KPNA3: variants seen among roughly 807,000 people sequenced by gnomAD.
The protein encoded by KPNA3 is karyopherin subunit alpha 3.
Under a neutral mutation model 73.8 loss-of-function variants are expected in KPNA3, and 13 were observed. The ratio of observed to expected loss-of-function variants is 0.18; its 90% CI spans 0.11 to 0.28. The LOEUF (loss-of-function observed/expected upper bound fraction) is 0.28, where lower values mean the gene tolerates loss of function less well. KPNA3 is among the 10% of genes least tolerant of loss of function. The pLI is 1.00. For synonymous variants in KPNA3, 186 were observed against 206.9 expected, an observed-to-expected ratio of 0.90 and a Z score of 0.87; for missense variants, 360 against 618.1, an observed-to-expected ratio of 0.58 and a Z score of 4.43.
Position 49,718,300 on chromosome 13 carries a change from G to T in KPNA3, c.771+1475C>A, listed in dbSNP as rs529169814. Among the ~76,000 whole-genome samples the T allele has an allele frequency of 3.4e-3, 510 of 152,234 alleles. 1 individual carries two copies. The highest frequency in any genetic ancestry group is 4.9e-3 in the Non-Finnish European group (334 of 67,996). ...TTAATGTTAAGGTCTTAGAAGGCAT[G>T]GTCTCTTTATGTCTTATCACTGAGT... On this transcript the variant is annotated intron_variant, in intron 10 of 16. Coordinates refer to ENST00000261667, the MANE Select transcript of KPNA3 (RefSeq NM_002267.4).
At chr13:49,711,712 C>T (rs1297175880) in intron 10 of KPNA3, among the ~76,000 whole-genome samples, 1 of 152,106 alleles carries the variant, frequency 6.6e-6, no homozygotes, top group Admixed American at 6.5e-5. Flanking sequence ...GGTGTCGTCA[C>T]AGAGGAATAT....
At chr13:49,746,315 T>TG (rs1269707836) in intron 2 of KPNA3, among the ~76,000 whole-genome samples, 1 of 150,688 alleles carries the variant, frequency 6.6e-6, no homozygotes, top group African/African-American at 2.5e-5. Flanking sequence ...CTGGGTGTGG[T>TG]GGTGTGCCTG....
intron 1 of KPNA3, among the ~76,000 whole-genome samples, chr13:49,754,873 A>G (rs1474806784): frequency 6.6e-6 from 1 of 152,132 alleles, no homozygotes; most frequent in Non-Finnish European, 1.5e-5. Context: ...TATTAAGATG[A>G]TTATATTTGT....
At chr13:49,731,316 T>C (rs1954467758) in intron 6 of KPNA3, among the ~76,000 whole-genome samples, 1 of 134,732 alleles carries the variant, frequency 7.4e-6, no homozygotes, top group African/African-American at 2.9e-5. Flanking sequence ...CTCGAACTCC[T>C]GGACTCAAGC....
chr13:49,749,345 G>A (rs1954643350), intron 1 of KPNA3, among the ~76,000 whole-genome samples: 1 of 152,194 alleles, frequency 6.6e-6, no homozygotes, highest in Non-Finnish European at 1.5e-5. Context: ...TTGATACTCT[G>A]CATAAGGAAA....
In KPNA3 at chr13:49,701,781, A is replaced by T; in HGVS notation, c.*19T>A. ...GTGCTTCATATTGAATGTGGGAAAG[A>T]TGCTGCACTCAACTGAATTTAAAAA... On this transcript the variant is annotated 3_prime_UTR_variant, in exon 17 of 17. Coordinates refer to ENST00000261667, the MANE Select transcript of KPNA3 (RefSeq NM_002267.4). The T allele has an allele frequency of 7.0e-7, 1 of 1,434,942 alleles. No homozygotes were observed. Among genetic ancestry groups the T allele is most frequent in the Non-Finnish European group, 9.8e-7 (1 of 1,016,736 alleles). The allele number at this position is 1,434,942 out of a possible 1,614,324, so 88.9% of individuals were successfully genotyped here.
intron 8 of KPNA3, 135 bp downstream of exon 8, chr13:49,722,342 T>A: frequency 2.9e-6 from 2 of 679,334 alleles, no homozygotes; most frequent in Non-Finnish European, 2.5e-6. Flanking sequence ...GAGCATCATC[T>A]TAAGTCAGTA....
At chr13:49,765,016 TC>T (rs1300924064) in intron 1 of KPNA3, among the ~76,000 whole-genome samples, 1 of 152,156 alleles carries the variant, frequency 6.6e-6, no homozygotes, top group African/African-American at 2.4e-5. Flanking sequence ...AACACCACAT[TC>T]CTGGTTTTCC....
rs1164482176 is a variant in KPNA3 at position 49,782,865 on chromosome 13, G to GA, written c.69+9572dup. 3.7e-3 allele frequency among the ~76,000 whole-genome samples: 515 copies of GA among 137,890 alleles called. 2 individuals carry two copies. The highest frequency in any genetic ancestry group is 0.011 in the African/African-American group (412 of 37,720). 90.5% of individuals were successfully genotyped at this position (137,890 alleles called of 152,430 possible). On this transcript the variant is annotated intron_variant, in intron 1 of 16. Coordinates refer to ENST00000261667, the MANE Select transcript of KPNA3 (RefSeq NM_002267.4). The stretch of plus-strand genomic sequence containing the variant: ...TGACAGAGCAAGACCCTGTCTCAAA[G>GA]AAAAAAAAAAAGCTAAATAAATGTT...
chr13:49,707,562 T>G (rs1379606186), intron 12 of KPNA3, among the ~76,000 whole-genome samples: 1 of 64,362 alleles, frequency 1.6e-5, no homozygotes, highest in Non-Finnish European at 3.4e-5. Flanking sequence ...GGCATTTCTA[T>G]GAAATTTTCC....
intron 1 of KPNA3, among the ~76,000 whole-genome samples, chr13:49,779,408 A>C (rs1177830953): frequency 6.6e-6 from 1 of 152,010 alleles, no homozygotes; most frequent in Non-Finnish European, 1.5e-5. Context: ...CAGTTTCCCT[A>C]CCCCTAATGC....
intron 12 of KPNA3, 108 bp downstream of exon 12, chr13:49,709,464 C>A: frequency 1.2e-6 from 1 of 842,158 alleles, no homozygotes; most frequent in Non-Finnish European, 1.8e-6. Context: ...TTCTCATCTT[C>A]GCTGCAGTGG....
chr13:49,734,336 TTCAG>T (rs1196955964), intron 2 of KPNA3, among the ~76,000 whole-genome samples: 1 of 152,262 alleles, frequency 6.6e-6, no homozygotes, highest in Non-Finnish European at 1.5e-5. Context: ...AACTGTCTTA[TTCAG>T]TGATTTCTAA....
Position 49,702,410 on chromosome 13 carries a change from T to C in KPNA3, c.1443A>G (p.Ile481Met), listed in dbSNP as rs1024486447. 10 of 1,531,674 alleles carry C rather than the reference T, an allele frequency of 6.5e-6. No individual in the cohort carries two copies. The highest frequency in any genetic ancestry group is 1.1e-5 in the South Asian group (1 of 87,010). 94.9% of individuals were successfully genotyped at this position (1,531,674 alleles called of 1,614,324 possible). Residue 481 changes from isoleucine (I) to methionine (M), a missense_variant, in exon 16 of 17, where the codon ATA becomes ATG. Transcript: ENST00000261667. ...EDIYKLAFEI[I>M]DQYFSGDDID... Reference sequence around the variant, plus strand: ...CATCATCACCAGAGAAATACTGATCTATGATTTCAAATGCTAATTTATATA... The same window carrying C: ...CATCATCACCAGAGAAATACTGATCCATGATTTCAAATGCTAATTTATATA...
chr13:49,781,975 C>T (rs952380819), intron 1 of KPNA3, among the ~76,000 whole-genome samples: 2 of 152,186 alleles, frequency 1.3e-5, no homozygotes, highest in African/African-American at 4.8e-5. Flanking sequence ...ATCTAGCCGG[C>T]AGGAATTAAC....
intron 6 of KPNA3, among the ~76,000 whole-genome samples, chr13:49,731,654 C>T (rs1392168496): frequency 6.6e-6 from 1 of 152,050 alleles, no homozygotes; most frequent in Non-Finnish European, 1.5e-5. Flanking sequence ...AGTCTAGATG[C>T]TCTTAAATGC....
At chr13:49,719,698 TATG>T (rs1954337359) in intron 10 of KPNA3, 74 bp downstream of exon 10, 3 of 935,594 alleles carry the variant, frequency 3.2e-6, no homozygotes, top group Admixed American at 4.0e-5. Context: ...TGATAAAATG[TATG>T]CTGACACTTA....
chr13:49,760,615 G>T (rs1240858076), intron 1 of KPNA3, among the ~76,000 whole-genome samples: 2 of 152,072 alleles, frequency 1.3e-5, no homozygotes, highest in Non-Finnish European at 2.9e-5. Flanking sequence ...AACCTGACTG[G>T]ATTAAGGGAT....
At chr13:49,768,456 A>C (rs1954826818) in intron 1 of KPNA3, among the ~76,000 whole-genome samples, 1 of 151,884 alleles carries the variant, frequency 6.6e-6, no homozygotes, top group Admixed American at 6.6e-5. Context: ...AATGTATCAT[A>C]ATGACTGATA....
Sources: gnomAD v4.1 joint callset for allele counts (sites outside exome capture counted in the v4.1 genomes callset) on GRCh38, gnomAD v4.1.1 for gene constraint, MANE v1.5 for transcripts, NCBI Gene and HGNC (gene_info 2026-07-23, HGNC 2026-07-21) for gene names.